Variants in LPP observed in about 807,000 individuals in gnomAD.
LPP encodes the protein lipoma-preferred partner.
Under a neutral mutation model 60.4 loss-of-function variants are expected in LPP, and 38 were observed. The observed-to-expected ratio is 0.63, with a 90% CI of 0.49 to 0.83. The LOEUF is 0.83. LPP is among the 40% of genes least tolerant of loss of function. The pLI, the probability that LPP is intolerant of heterozygous loss-of-function variation, is 0.00. For missense variants in LPP, 902 were observed against 783.6 expected, an observed-to-expected ratio of 1.15 and a Z score of -1.80; for synonymous variants, 328 against 290.8, an observed-to-expected ratio of 1.13 and a Z score of -1.30.
At chr3:188,779,781 T>G (rs1438579193) in intron 9 of LPP, among the ~76,000 whole-genome samples, 1 of 152,080 alleles carries the variant, frequency 6.6e-6, no homozygotes, top group African/African-American at 2.4e-5. Context: ...ACAACATGTT[T>G]TCATTGGTCC....
At chr3:188,749,977 G>A (rs1259991438) in intron 8 of LPP, among the ~76,000 whole-genome samples, 1 of 152,106 alleles carries the variant, frequency 6.6e-6, no homozygotes, top group Non-Finnish European at 1.5e-5. Flanking sequence ...AATTTATAAA[G>A]AATGAAAATT....
At chr3:188,231,458 G>A (rs1287922441) in intron 2 of LPP, among the ~76,000 whole-genome samples, 1 of 152,136 alleles carries the variant, frequency 6.6e-6, no homozygotes, top group Admixed American at 6.5e-5. Context: ...TGTAAAGTTG[G>A]CATGGCTTTT....
intron 2 of LPP, among the ~76,000 whole-genome samples, chr3:188,304,497 A>G (rs954019956): frequency 3.9e-5 from 6 of 152,158 alleles, no homozygotes; most frequent in Non-Finnish European, 8.8e-5. Context: ...CCTAATTTAC[A>G]TACTTTCTCT....
chr3:188,159,125 G>C (rs143865772), intron 1 of LPP, among the ~76,000 whole-genome samples: 272 of 151,260 alleles, frequency 1.8e-3, no homozygotes, highest in African/African-American at 6.4e-3. Flanking sequence ...GAGGCAGTTA[G>C]GGTCATAAAG....
chr3:188,579,226 A>C (rs1292811577), intron 6 of LPP, among the ~76,000 whole-genome samples: 1 of 152,108 alleles, frequency 6.6e-6, no homozygotes, highest in Non-Finnish European at 1.5e-5. Flanking sequence ...GGATTTTACT[A>C]AGGGTGGGGA....
intron 2 of LPP, among the ~76,000 whole-genome samples, chr3:188,226,222 T>C (rs2149325780): frequency 6.6e-6 from 1 of 152,260 alleles, no homozygotes; most frequent in South Asian, 2.1e-4. Flanking sequence ...ATGGCCAGGC[T>C]GGTCTTGAAC....
intron 9 of LPP, among the ~76,000 whole-genome samples, chr3:188,840,983 C>T (rs1052670619): frequency 1.3e-5 from 2 of 152,122 alleles, no homozygotes; most frequent in Admixed American, 6.5e-5. Flanking sequence ...GTTTAGAACT[C>T]GCTTTTCTTC....
chr3:188,775,385 C>T (rs947961866), intron 9 of LPP, among the ~76,000 whole-genome samples: 6 of 152,186 alleles, frequency 3.9e-5, no homozygotes, highest in African/African-American at 1.4e-4. Flanking sequence ...TTATTGAGCA[C>T]TGTGTTGGCT....
chr3:188,180,034 C>T (rs1196813260), intron 1 of LPP: 1 of 158,868 alleles, frequency 6.3e-6, no homozygotes, highest in Non-Finnish European at 1.4e-5. Context: ...TTCCAGACAC[C>T]AATATATGCA....
intron 2 of LPP, among the ~76,000 whole-genome samples, chr3:188,316,040 GAGGC>G (rs1394681379): frequency 1.3e-5 from 2 of 152,286 alleles, no homozygotes; most frequent in East Asian, 3.9e-4. Context: ...TTGGGAGGCC[GAGGC>G]AGGCAGATCA....
At chr3:188,679,788 G>T (rs1057178537) in intron 7 of LPP, among the ~76,000 whole-genome samples, 1 of 151,992 alleles carries the variant, frequency 6.6e-6, no homozygotes, top group Admixed American at 6.6e-5. Flanking sequence ...TTCTTATGGG[G>T]CTATTCTAAG....
intron 7 of LPP, among the ~76,000 whole-genome samples, chr3:188,657,619 T>G (rs898876628): frequency 2.6e-5 from 4 of 152,188 alleles, no homozygotes; most frequent in Admixed American, 2.0e-4. Flanking sequence ...ATGGGCCTTT[T>G]TTTCTTAGCC....
intron 5 of LPP, among the ~76,000 whole-genome samples, chr3:188,510,988 C>A (rs1172117956): frequency 6.6e-6 from 1 of 152,074 alleles, no homozygotes; most frequent in African/African-American, 2.4e-5. Context: ...TTCTTCAATG[C>A]AACTGTAAGC....
chr3:188,576,560 C>T (rs1246681736), intron 6 of LPP, among the ~76,000 whole-genome samples: 3 of 152,134 alleles, frequency 2.0e-5, no homozygotes, highest in Non-Finnish European at 4.4e-5. Context: ...TATTTGCAGT[C>T]CAGTGCTCTT....
chr3:188,293,773 C>T (rs528333194), intron 2 of LPP, among the ~76,000 whole-genome samples: 1 of 152,054 alleles, frequency 6.6e-6, no homozygotes, highest in Non-Finnish European at 1.5e-5. Flanking sequence ...GTGAAAGAAG[C>T]CAGTTACAAG....
At chr3:188,330,348 A>G (rs1231805117) in intron 2 of LPP, among the ~76,000 whole-genome samples, 2 of 152,188 alleles carry the variant, frequency 1.3e-5, no homozygotes, top group African/African-American at 2.4e-5. Context: ...GAGGCTTGCA[A>G]ACTTTCAAAT....
chr3:188,527,643 C>T (rs1487917785), intron 6 of LPP, among the ~76,000 whole-genome samples: 1 of 152,104 alleles, frequency 6.6e-6, no homozygotes, highest in Non-Finnish European at 1.5e-5. Context: ...TTTTTGATTC[C>T]ACCCAAGCAA....
intron 7 of LPP, among the ~76,000 whole-genome samples, chr3:188,647,641 A>G (rs527615415): frequency 6.6e-6 from 1 of 152,146 alleles, no homozygotes; most frequent in Admixed American, 6.5e-5. Flanking sequence ...CCTGGCTATT[A>G]TGGGGACCTC....
At chr3:188,811,647 A>G (rs1446254781) in intron 9 of LPP, among the ~76,000 whole-genome samples, 1 of 152,042 alleles carries the variant, frequency 6.6e-6, no homozygotes, top group African/African-American at 2.4e-5. Context: ...CTTACAGATC[A>G]TGGGGTCCAA....
Sources: gnomAD v4.1 joint callset for allele counts (sites outside exome capture counted in the v4.1 genomes callset) on GRCh38, gnomAD v4.1.1 for gene constraint, MANE v1.5 for transcripts, NCBI Gene and HGNC (gene_info 2026-07-23, HGNC 2026-07-21) for gene names.